Variants in TMEM44 observed in about 807,000 individuals in gnomAD.
TMEM44 encodes the protein transmembrane protein 44.
TMEM44 carries 43 observed loss-of-function variants against 47.8 expected under a neutral mutation model. That is an observed-to-expected ratio of 0.90 (90% CI 0.70 to 1.16). The LOEUF (loss-of-function observed/expected upper bound fraction) is 1.16, where lower values mean the gene tolerates loss of function less well. Among genes scored for constraint, TMEM44 ranks in the 50% most tolerant of loss-of-function variants. The pLI is 0.00. For missense variants in TMEM44, 568 were observed against 555.2 expected (o/e 1.02, Z -0.23); for synonymous variants, 277 against 238.8 (o/e 1.16, Z -1.48).
intron 5 of TMEM44, among the ~76,000 whole-genome samples, chr3:194,618,310 T>C (rs1716161509): frequency 6.6e-6 from 1 of 152,122 alleles, no homozygotes; most frequent in South Asian, 2.1e-4. Context: ...ACTATTTATA[T>C]TTCTATGTAA....
rs570430889 is a variant in TMEM44, at chr3:194,622,221, C to T, written c.612+1003G>A. Among the ~76,000 whole-genome samples the T allele has an allele frequency of 3.3e-5, 5 of 152,328 alleles. 1 individual carries two copies. The South Asian group carries it at 1.0e-3, about 32-fold the overall frequency. On this transcript the variant is annotated intron_variant, in intron 5 of 9. Coordinates refer to ENST00000347147, the MANE Select transcript of TMEM44 (RefSeq NM_001011655.3). Reference sequence around the variant, plus strand: ...GTGCTCTCCTCTGCCGATGGCCTTTCCCTAGCCTGTGTCCTCAAATTCACG... The same window carrying T: ...GTGCTCTCCTCTGCCGATGGCCTTTTCCTAGCCTGTGTCCTCAAATTCACG...
At chr3:194,629,719 C>T (rs557158952) in intron 1 of TMEM44, among the ~76,000 whole-genome samples, 10 of 121,834 alleles carry the variant, frequency 8.2e-5, no homozygotes, top group African/African-American at 3.3e-4. Context: ...GCTGTCGTAC[C>T]TGCCTCCCGG....
At position 194,617,186 on chromosome 3, in the gene TMEM44, A is replaced by G. The variant is rs758554257; in HGVS notation, c.696T>C (p.Ile232=). Residue 232 remains isoleucine, a synonymous_variant, in exon 6 of 10, where the codon ATT becomes ATC. Coordinates refer to ENST00000347147, the MANE Select transcript of TMEM44 (RefSeq NM_001011655.3). ...ACTCAGGGTGCTGGTCGTGGGCCACAATGGCCGAGGCATAGAGGAGGCCAG... is the reference window on the plus strand; with the variant it reads ...ACTCAGGGTGCTGGTCGTGGGCCACGATGGCCGAGGCATAGAGGAGGCCAG... The part of the protein sequence containing the change: ...ALAGLLYASA[I]VAHDQHPEYL... 6.4e-7 allele frequency: 1 copy of G among 1,554,284 alleles called. No individual in the cohort carries two copies.
At chr3:194,624,807 G>A (rs902201041) in intron 3 of TMEM44, among the ~76,000 whole-genome samples, 27 of 151,670 alleles carry the variant, frequency 1.8e-4, no homozygotes, top group Admixed American at 3.9e-4. Context: ...TCCAGTTCCC[G>A]GGTTTAAGCA....
chr3:194,623,696 C>CTGCA lies in TMEM44; in HGVS notation c.359-5_359-2dup. The stretch of plus-strand genomic sequence containing the variant: ...CTCTTCCTCTCTCGGGCTTCCCGAT[C>CTGCA]TGCAACAGACACCAAAATCCCACAT... On this transcript the variant is annotated splice_acceptor_variant, in intron 3 of 9. Transcript: ENST00000347147. LOFTEE classifies it high-confidence loss of function. 6.2e-7 allele frequency: 1 copy of CTGCA among 1,613,992 alleles called. No individual in the cohort carries two copies. The highest frequency in any genetic ancestry group is 8.5e-7 in the Non-Finnish European group (1 of 1,180,002).
At chr3:194,620,977 G>A (rs1716472494) in intron 5 of TMEM44, among the ~76,000 whole-genome samples, 1 of 148,156 alleles carries the variant, frequency 6.7e-6, no homozygotes, top group African/African-American at 2.5e-5. Context: ...AGTCAGCCGA[G>A]ATTGCATCAT....
intron 3 of TMEM44, among the ~76,000 whole-genome samples, chr3:194,625,683 T>C (rs1233971401): frequency 6.6e-6 from 1 of 152,208 alleles, no homozygotes; most frequent in Non-Finnish European, 1.5e-5. Context: ...GGTTTCACCA[T>C]GTTGGCCAGG....
chr3:194,620,974 C>T (rs998542484), intron 5 of TMEM44, among the ~76,000 whole-genome samples: 1 of 150,112 alleles, frequency 6.7e-6, no homozygotes, highest in African/African-American at 2.5e-5. Flanking sequence ...TGCAGTCAGC[C>T]GAGATTGCAT....
intron 3 of TMEM44, among the ~76,000 whole-genome samples, chr3:194,624,861 A>ACC (rs1716970538): frequency 6.6e-6 from 1 of 151,926 alleles, no homozygotes; most frequent in Non-Finnish European, 1.5e-5. Context: ...TTATAGGTGC[A>ACC]TGCCACCACA....
intron 2 of TMEM44, 54 bp from the exon 3 acceptor site, chr3:194,626,044 TAC>T: frequency 2.1e-6 from 3 of 1,415,236 alleles, no homozygotes; most frequent in South Asian, 2.3e-5. Flanking sequence ...CCTCAGCCCC[TAC>T]AGAGTTTGTC....
intron 8 of TMEM44, among the ~76,000 whole-genome samples, chr3:194,607,701 T>C (rs1714920907): frequency 6.6e-6 from 1 of 152,138 alleles, no homozygotes; most frequent in Non-Finnish European, 1.5e-5. Flanking sequence ...GTAAAGCACT[T>C]AGACCAGTAC....
In TMEM44 at chr3:194,604,278, G is replaced by T; in HGVS notation, c.1176+9C>A. 6.3e-7 allele frequency: 1 copy of T among 1,575,352 alleles called. No individual in the cohort carries two copies. Among genetic ancestry groups the T allele is most frequent in the South Asian group, 1.2e-5 (1 of 85,646 alleles). On this transcript the variant is annotated intron_variant, in intron 9 of 9. Transcript: ENST00000347147. Reference sequence around the variant, plus strand: ...CCACGCACCCGCCCAGCAGGCAACAGCCGTGTACCTCCAGGTCGGAGTTGA... The same window carrying T: ...CCACGCACCCGCCCAGCAGGCAACATCCGTGTACCTCCAGGTCGGAGTTGA...
At chr3:194,615,268 A>T (rs1292744433) in intron 7 of TMEM44, among the ~76,000 whole-genome samples, 4 of 151,912 alleles carry the variant, frequency 2.6e-5, no homozygotes, top group Non-Finnish European at 5.9e-5. Context: ...AAAAAAAAAT[A>T]AAAATAAAGC....
rs1000429423 is a variant in TMEM44, at chr3:194,617,110, G to A, written c.772C>T (p.Leu258=). ...WFLTSLGRAA[L]DLAIIFLSCV... ...CCTGGGGTGGATACAGCGAGGTCCA[G>A]TGCCGCACGGCCGAGGGAGGTCAGG... Residue 258 remains leucine, a synonymous_variant, in exon 6 of 10, where the codon CTG becomes TTG. Transcript: ENST00000347147. The A allele has an allele frequency of 6.5e-7, 1 of 1,546,686 alleles. No individual in the cohort carries two copies. Among genetic ancestry groups the A allele is most frequent in the Non-Finnish European group, 8.7e-7 (1 of 1,146,036 alleles).
rs752915741 is a variant in TMEM44 at position 194,604,289 on chromosome 3, C to G, written c.1174G>C (p.Glu392Gln). The G allele has an allele frequency of 1.9e-6, 3 of 1,577,616 alleles. No individual in the cohort carries two copies. In the East Asian group the frequency reaches 7.1e-5, roughly 37 times the overall value. ...SEVSSINSDLEWDPEDVNLEG... is the reference protein window; with the variant it reads ...SEVSSINSDLQWDPEDVNLEG... ...CCCAGCAGGCAACAGCCGTGTACCT[C>G]CAGGTCGGAGTTGATGGAGGAGACC... Residue 392 changes from glutamate (E) to glutamine (Q), a missense_variant and splice_region_variant, in exon 9 of 10, where the codon GAG becomes CAG. Physicochemically the swap from Glu to Gln is conservative, Grantham distance 29. Transcript: ENST00000347147.
intron 9 of TMEM44, among the ~76,000 whole-genome samples, chr3:194,596,612 A>T (rs1037441449): frequency 6.6e-6 from 1 of 152,014 alleles, no homozygotes; most frequent in African/African-American, 2.4e-5. Context: ...ACCAACAGGG[A>T]GAAACCCCAT....
In TMEM44 at chr3:194,588,440, C is replaced by G; in HGVS notation, c.*89G>C. 8.6e-7 allele frequency: 1 copy of G among 1,160,440 alleles called. No homozygotes were observed. The highest frequency in any genetic ancestry group is 1.3e-5 in the South Asian group (1 of 74,536). 71.9% of individuals were successfully genotyped at this position (1,160,440 alleles called of 1,614,324 possible). On this transcript the variant is annotated 3_prime_UTR_variant, in exon 10 of 10. Coordinates refer to ENST00000347147, the MANE Select transcript of TMEM44 (RefSeq NM_001011655.3). ...TTGCCAGGGCAGCTTCAGTTCCTGC[C>G]GCGGTGTCAGTGCAGATTGATTCCC...
chr3:194,611,762 C>T lies in TMEM44; in HGVS notation c.913-742G>A, dbSNP rs1323614205. ...TGCAGCCGGGCGCGGTGGCTCACGC[C>T]TGTAATCCCAGCACTTTGGGAGGCC... On this transcript the variant is annotated intron_variant, in intron 7 of 9. Transcript: ENST00000347147. This position sits in a 1 kb window ranked among gnomAD's most constrained non-coding sequence, Gnocchi z 4.2. Among the ~76,000 whole-genome samples the T allele has an allele frequency of 1.3e-5, 2 of 152,136 alleles. No homozygotes were observed. The highest frequency in any genetic ancestry group is 2.4e-5 in the African/African-American group (1 of 41,436).
intron 1 of TMEM44, among the ~76,000 whole-genome samples, chr3:194,630,881 C>A (rs1260606978): frequency 6.7e-6 from 1 of 148,422 alleles, no homozygotes; most frequent in East Asian, 2.0e-4. Flanking sequence ...CCCGAAGGGG[C>A]TGGCTGTTTC....
Sources: allele counts gnomAD v4.1 joint callset (sites outside exome capture counted in the v4.1 genomes callset), GRCh38; gene constraint gnomAD v4.1.1; non-coding constraint Gnocchi (gnomAD v3.1); transcripts MANE v1.5; gene names NCBI Gene and HGNC (gene_info 2026-07-23, HGNC 2026-07-21).